The following PSG3 variants were observed in gnomAD, a reference collection of about 807,000 sequenced individuals.
The protein encoded by PSG3 is pregnancy-specific beta-1-glycoprotein 3.
In PSG3, 61 loss-of-function variants were observed where a neutral mutation model predicts 47.5. The observed-to-expected ratio is 1.28, with a 90% CI of 1.05 to 1.59. The LOEUF (loss-of-function observed/expected upper bound fraction) is 1.59, where lower values mean the gene tolerates loss of function less well. Ranked by LOEUF, PSG3 falls within the 40% of genes most tolerant of loss-of-function variation. The pLI is 0.00. For missense variants in PSG3, 756 were observed against 524.0 expected (o/e 1.44, Z -4.32); for synonymous variants, 263 against 198.4 (o/e 1.33, Z -2.74).
At chr19:42,736,726 C>G (rs929917706) in intron 2 of PSG3, among the ~76,000 whole-genome samples, 11 of 151,684 alleles carry the variant, frequency 7.3e-5, no homozygotes, top group Admixed American at 2.0e-4. Flanking sequence ...ATCCCTGTCC[C>G]ATGGTCTTGT....
chr19:42,739,276 G>A (rs1969626141), intron 1 of PSG3, 187 bp from the exon 2 acceptor site: 3 of 1,073,518 alleles, frequency 2.8e-6, no homozygotes, highest in African/African-American at 1.6e-5. Context: ...TCTCCTACTA[G>A]GTGAAGGTCA....
chr19:42,736,248 C>G (rs1362743895), intron 2 of PSG3, among the ~76,000 whole-genome samples: 1 of 152,130 alleles, frequency 6.6e-6, no homozygotes, highest in African/African-American at 2.4e-5. Flanking sequence ...ACTAATTGCT[C>G]CTATAGATAA....
In PSG3 at chr19:42,736,635, T is replaced by C. The variant is rs1600389968; in HGVS notation, c.430+2089A>G. Among the ~76,000 whole-genome samples the C allele has an allele frequency of 2.0e-5, 3 of 151,512 alleles. No individual in the cohort carries two copies. In the East Asian group the frequency reaches 5.8e-4, roughly 29 times the overall value. On this transcript the variant is annotated intron_variant, in intron 2 of 6. Coordinates refer to ENST00000327495, the MANE Select transcript of PSG3 (RefSeq NM_021016.4). ...ATTTGTGTGTGTGTGTGTGTGTGTGTGTGTGTGTGTGTGTGTGTGTGTGTG... is the reference window on the plus strand; with the variant it reads ...ATTTGTGTGTGTGTGTGTGTGTGTGCGTGTGTGTGTGTGTGTGTGTGTGTG...
At chr19:42,738,664 T>C in intron 2 of PSG3, 60 bp downstream of exon 2, 2 of 1,612,290 alleles carry the variant, frequency 1.2e-6, no homozygotes, top group Non-Finnish European at 1.7e-6. Context: ...CTGACAATCC[T>C]TTGTGTGTGA....
intron 1 of PSG3, 148 bp downstream of exon 1, chr19:42,740,173 T>G: frequency 9.9e-6 from 15 of 1,508,776 alleles, no homozygotes; most frequent in Non-Finnish European, 1.3e-5. Context: ...AGACTGATCT[T>G]GAACTCCTGA....
chr19:42,739,365 C>T (rs891161419), intron 1 of PSG3: 88 of 460,546 alleles, frequency 1.9e-4, no homozygotes, highest in Admixed American at 5.9e-4. Flanking sequence ...GGGGTCCGCA[C>T]GGCCCCCTCC....
intron 3 of PSG3, 57 bp from the exon 4 acceptor site, chr19:42,730,113 G>A (rs1214192613): frequency 1.9e-6 from 3 of 1,598,690 alleles, no homozygotes; most frequent in African/African-American, 1.3e-5. Context: ...TCCTCCACTG[G>A]CATCCTTCAA....
chr19:42,728,935 G>A (rs1600381780), intron 5 of PSG3, among the ~76,000 whole-genome samples, 188 bp downstream of exon 5: 2 of 152,136 alleles, frequency 1.3e-5, no homozygotes, highest in South Asian at 2.1e-4. Flanking sequence ...GGTCAGCCAT[G>A]AGAAAACAGA....
chr19:42,737,005 A>C (rs1227018732), intron 2 of PSG3, among the ~76,000 whole-genome samples: 2 of 152,132 alleles, frequency 1.3e-5, no homozygotes, highest in East Asian at 1.9e-4. Flanking sequence ...CTTGCCAGTC[A>C]GAATGAAGTG....
At chr19:42,737,198 T>G (rs1159314447) in intron 2 of PSG3, among the ~76,000 whole-genome samples, 11 of 152,230 alleles carry the variant, frequency 7.2e-5, no homozygotes, top group East Asian at 3.9e-4. Flanking sequence ...GAGGTGGGGT[T>G]GCTTTAGGGT....
At chr19:42,729,696 A>G in intron 4 of PSG3, 82 bp downstream of exon 4, 4 of 1,572,186 alleles carry the variant, frequency 2.5e-6, no homozygotes, top group Non-Finnish European at 8.6e-7. Context: ...TACTTGGACC[A>G]GAGAGAGAGT....
chr19:42,730,543 G>T (rs1207711056), intron 3 of PSG3, among the ~76,000 whole-genome samples: 1 of 152,226 alleles, frequency 6.6e-6, no homozygotes, highest in Non-Finnish European at 1.5e-5. Context: ...AAGATACTGA[G>T]CAGCCTGGCC....
intron 3 of PSG3, chr19:42,732,330 C>A (rs1041616059): frequency 4.0e-4 from 87 of 215,000 alleles, no homozygotes; most frequent in Admixed American, 1.0e-4. Context: ...TTGGGGGCTT[C>A]CCCTGTATGG....
At position 42,738,632 on chromosome 19, in the gene PSG3, G is replaced by A. The variant is rs552370227; in HGVS notation, c.430+92C>T. 4.3e-5 allele frequency: 69 copies of A among 1,607,816 alleles called. No individual in the cohort carries two copies. The South Asian group carries it at 7.0e-4, about 16-fold the overall frequency. ...CCCAGCATGGGACATAATGCAGAGAGGGACACAGGCACAATCCAGGCCTGA... is the reference window on the plus strand; with the variant it reads ...CCCAGCATGGGACATAATGCAGAGAAGGACACAGGCACAATCCAGGCCTGA... On this transcript the variant is annotated intron_variant, in intron 2 of 6. Coordinates refer to ENST00000327495, the MANE Select transcript of PSG3 (RefSeq NM_021016.4).
At chr19:42,723,635 T>C (rs910639503) in intron 6 of PSG3, among the ~76,000 whole-genome samples, 14 of 152,308 alleles carry the variant, frequency 9.2e-5, no homozygotes, top group Admixed American at 2.6e-4. Context: ...ATGGAGAGAA[T>C]TACACTATTG....
At chr19:42,732,549 G>C in intron 3 of PSG3, 4 of 983,604 alleles carry the variant, frequency 4.1e-6, no homozygotes, top group Non-Finnish European at 5.9e-6. Flanking sequence ...CACCTGTTTT[G>C]CCCATCACAA....
chr19:42,722,148 T>C, intron 6 of PSG3, 58 bp from the exon 7 acceptor site: 1 of 405,610 alleles, frequency 2.5e-6, no homozygotes, highest in Non-Finnish European at 4.4e-6. Flanking sequence ...GAATTTATTA[T>C]GGTAAAGACA....
At chr19:42,740,237 A>G in intron 1 of PSG3, 84 bp downstream of exon 1, 1 of 1,610,794 alleles carries the variant, frequency 6.2e-7, no homozygotes, top group South Asian at 1.1e-5. Context: ...TTTATTTTTT[A>G]GAACCCCAGG....
chr19:42,725,890 C>CAG (rs1969369069), intron 5 of PSG3, among the ~76,000 whole-genome samples: 1 of 68,054 alleles, frequency 1.5e-5, no homozygotes, highest in Non-Finnish European at 2.8e-5. Flanking sequence ...CAACAACAAC[C>CAG]AAAAAAAAAA....
Sources: allele counts gnomAD v4.1 joint callset (sites outside exome capture counted in the v4.1 genomes callset), GRCh38; gene constraint gnomAD v4.1.1; transcripts MANE v1.5; gene names NCBI Gene and HGNC (gene_info 2026-07-23, HGNC 2026-07-21).